Variants in PXT1 observed in about 807,000 individuals in gnomAD.
The protein encoded by PXT1 is peroxisomal testis-specific protein 1.
A neutral mutation model predicts 11.0 loss-of-function variants in PXT1; 11 were observed. The observed-to-expected ratio is 1.00, with a 90% confidence interval of 0.63 to 1.66. PXT1 has a LOEUF of 1.66. PXT1 is among the 40% of genes most tolerant of loss of function. The pLI, the probability that PXT1 is intolerant of heterozygous loss-of-function variation, is 0.00. For synonymous variants in PXT1, 43 were observed against 51.4 expected, an observed-to-expected ratio of 0.84 and a Z score of 0.70; for missense variants, 141 against 155.5, an observed-to-expected ratio of 0.91 and a Z score of 0.49.
chr6:36,413,408 C>G (rs1222675289), intron 3 of PXT1, among the ~76,000 whole-genome samples: 2 of 137,036 alleles, frequency 1.5e-5, no homozygotes, highest in Admixed American at 7.3e-5. Context: ...CAGAGCGAGA[C>G]TCCATCTCAA....
chr6:36,399,463 G>GGGGTCTCC (rs1187551960), intron 4 of PXT1, among the ~76,000 whole-genome samples: 1 of 152,116 alleles, frequency 6.6e-6, no homozygotes, highest in Non-Finnish European at 1.5e-5. Flanking sequence ...TGCTTTTATA[G>GGGGTCTCC]CATTATTGTT....
At chr6:36,396,838 A>T (rs1232424598) in intron 4 of PXT1, among the ~76,000 whole-genome samples, 18 of 152,034 alleles carry the variant, frequency 1.2e-4, no homozygotes. Context: ...GCTGGAGATG[A>T]GGAAACAACA....
In PXT1 at chr6:36,436,592, G is replaced by T. The variant is rs540529462; in HGVS notation, c.-10+2175C>A. ...GGTACTGGGTTGTATCTGGGGGAGG[G>T]ATGCAATGGCAGGAAATGATGAGTT... On this transcript the variant is annotated intron_variant, in intron 2 of 4. Coordinates refer to ENST00000454782, the MANE Select transcript of PXT1 (RefSeq NM_152990.4). Among the ~76,000 whole-genome samples, 4 of 152,304 alleles carry T rather than the reference G, an allele frequency of 2.6e-5. No homozygotes were observed. In the East Asian group the frequency reaches 7.7e-4, roughly 29 times the overall value.
intron 3 of PXT1, among the ~76,000 whole-genome samples, chr6:36,412,177 C>T (rs1190892847): frequency 2.0e-5 from 3 of 151,244 alleles, no homozygotes; most frequent in African/African-American, 7.3e-5. Context: ...CATGGTGAAA[C>T]CCCGTCTCTA....
At chr6:36,406,483 A>G (rs1230040392) in intron 3 of PXT1, among the ~76,000 whole-genome samples, 2 of 152,136 alleles carry the variant, frequency 1.3e-5, no homozygotes, top group Non-Finnish European at 2.9e-5. Flanking sequence ...GATGTTGGCT[A>G]ATAAAGGAAA....
At chr6:36,431,463 T>C (rs1234751825) in intron 2 of PXT1, among the ~76,000 whole-genome samples, 2 of 152,182 alleles carry the variant, frequency 1.3e-5, no homozygotes, top group Non-Finnish European at 2.9e-5. Flanking sequence ...TAGAGTCATG[T>C]TGGGCGTTAC....
intron 2 of PXT1, among the ~76,000 whole-genome samples, chr6:36,430,912 T>C (rs1774683209): frequency 6.6e-6 from 1 of 152,100 alleles, no homozygotes; most frequent in Non-Finnish European, 1.5e-5. Context: ...CCTCCCAGGC[T>C]CAAGCAATTC....
In PXT1 at chr6:36,406,365, G is replaced by T. The variant is rs1358378767; in HGVS notation, c.170-5781C>A. On this transcript the variant is annotated intron_variant, in intron 3 of 4. Transcript: ENST00000454782. ...ATAGACTCAGGAGACTAAGGGCATG[G>T]GTGGCATTGGGATCACAAATGCCAC... Among the ~76,000 whole-genome samples, 2 of 152,138 alleles carry T rather than the reference G, an allele frequency of 1.3e-5. 1 individual carries two copies. The highest frequency in any genetic ancestry group is 1.3e-4 in the Admixed American group (2 of 15,280).
intron 2 of PXT1, among the ~76,000 whole-genome samples, chr6:36,437,061 G>A (rs191530875): frequency 6.6e-6 from 1 of 152,204 alleles, no homozygotes; most frequent in African/African-American, 2.4e-5. Flanking sequence ...TGAGGTGGGC[G>A]GATCACTTGA....
chr6:36,397,340 T>A lies in PXT1; in HGVS notation c.300+3114A>T, dbSNP rs1774158046. 2.0e-5 allele frequency among the ~76,000 whole-genome samples: 3 copies of A among 151,658 alleles called. No homozygotes were observed. The South Asian group carries it at 6.2e-4, about 32-fold the overall frequency. On this transcript the variant is annotated intron_variant, in intron 4 of 4. Coordinates refer to ENST00000454782, the MANE Select transcript of PXT1 (RefSeq NM_152990.4). ...CCTATAGTCCCAGCTACTTAGGAGG[T>A]TGAGGTGGGACGATCTCTGGAGCCC...
intron 3 of PXT1, among the ~76,000 whole-genome samples, chr6:36,424,623 T>G (rs1774576279): frequency 6.6e-6 from 1 of 151,878 alleles, no homozygotes; most frequent in African/African-American, 2.4e-5. Flanking sequence ...TGGGTGACAG[T>G]GCGAGACTCC....
At chr6:36,394,615 C>A (rs1311845759) in intron 4 of PXT1, among the ~76,000 whole-genome samples, 1 of 151,588 alleles carries the variant, frequency 6.6e-6, no homozygotes, top group Non-Finnish European at 1.5e-5. Context: ...GTTTCCAGAA[C>A]CCAGAAGGAG....
intron 2 of PXT1, among the ~76,000 whole-genome samples, chr6:36,431,084 G>A (rs1011695235): frequency 2.0e-5 from 3 of 152,074 alleles, no homozygotes; most frequent in Non-Finnish European, 4.4e-5. Flanking sequence ...CCAAAGTGCT[G>A]GGATTACAGG....
At position 36,391,836 on chromosome 6, in the gene PXT1, A is replaced by G. The variant is rs1774071785; in HGVS notation, c.339T>C (p.Phe113=). 1 of 1,613,886 alleles carries G rather than the reference A, an allele frequency of 6.2e-7. No homozygotes were observed. Among genetic ancestry groups the G allele is most frequent in the Non-Finnish European group, 8.5e-7 (1 of 1,179,780 alleles). ...QQDGRDALDH[F]VFFFFRRVQV... is the part of the protein sequence containing the mutation. Reference sequence around the variant, plus strand: ...GAACTCTTCTAAAGAAAAAGAAGACAAAATGATCTAGTGCATCTCTGCCAT... The same window carrying G: ...GAACTCTTCTAAAGAAAAAGAAGACGAAATGATCTAGTGCATCTCTGCCAT... Residue 113 remains phenylalanine (F), a synonymous_variant, in exon 5 of 5, where the codon TTT becomes TTC. Coordinates refer to ENST00000454782, the MANE Select transcript of PXT1 (RefSeq NM_152990.4).
At chr6:36,437,733 G>A (rs778529636) in intron 2 of PXT1, among the ~76,000 whole-genome samples, 1 of 150,952 alleles carries the variant, frequency 6.6e-6, no homozygotes, top group Non-Finnish European at 1.5e-5. Context: ...AGCCAGGATG[G>A]TCTCGATCTC....
chr6:36,425,804 A>AACAAAC (rs534611605), intron 3 of PXT1, 110 bp downstream of exon 3: 5 of 239,488 alleles, frequency 2.1e-5, no homozygotes, highest in South Asian at 1.9e-4. Context: ...CAAAAACAAA[A>AACAAAC]AATATATATA....
rs959777410 is a variant in PXT1, at chr6:36,390,569, A to G, written c.*1201T>C. The G allele has an allele frequency of 6.6e-6, 1 of 152,224 alleles. No individual in the cohort carries two copies. The highest frequency in any genetic ancestry group is 2.4e-5 in the African/African-American group (1 of 41,462). The allele number at this position is 152,224 out of a possible 1,614,324, so 9.4% of individuals were successfully genotyped here. Reference sequence around the variant, plus strand: ...ACAGGGGTTTCATGCTCAATAAAATAACAATATTTATTTCATTTTTAGAAT... The same window carrying G: ...ACAGGGGTTTCATGCTCAATAAAATGACAATATTTATTTCATTTTTAGAAT... On this transcript the variant is annotated 3_prime_UTR_variant, in exon 5 of 5. Coordinates refer to ENST00000454782, the MANE Select transcript of PXT1 (RefSeq NM_152990.4).
intron 2 of PXT1, among the ~76,000 whole-genome samples, chr6:36,426,586 T>C (rs576831770): frequency 1.3e-5 from 2 of 152,024 alleles, no homozygotes; most frequent in South Asian, 4.2e-4. Context: ...GCCAGGCTGG[T>C]CTCAAACTCC....
intron 4 of PXT1, among the ~76,000 whole-genome samples, chr6:36,392,816 C>T (rs574698173): frequency 2.0e-5 from 3 of 152,228 alleles, no homozygotes; most frequent in Admixed American, 2.0e-4. Context: ...CCCGCCTGCC[C>T]CCTGCAGTCT....
Sources: gnomAD v4.1 joint callset for allele counts (sites outside exome capture counted in the v4.1 genomes callset) on GRCh38, gnomAD v4.1.1 for gene constraint, MANE v1.5 for transcripts, NCBI Gene and HGNC (gene_info 2026-07-23, HGNC 2026-07-21) for gene names.